ANKS1B: variants seen among roughly 807,000 people sequenced by gnomAD.
ANKS1B encodes the protein ankyrin repeat and sterile alpha motif domain containing 1B.
In ANKS1B, 36 loss-of-function variants were observed where a neutral mutation model predicts 148.3. The ratio of observed to expected loss-of-function variants is 0.24; its 90% CI spans 0.19 to 0.32. ANKS1B has a LOEUF of 0.32. Among genes scored for constraint, ANKS1B ranks in the 10% least tolerant of loss-of-function variants. The pLI, the probability that ANKS1B is intolerant of heterozygous loss-of-function variation, is 1.00. For missense variants in ANKS1B, 1,157 were observed against 1,542.6 expected (o/e 0.75, Z 4.19); for synonymous variants, 542 against 560.8 (o/e 0.97, Z 0.47).
intron 8 of ANKS1B, among the ~76,000 whole-genome samples, chr12:99,758,398 C>T (rs1181884006): frequency 5.3e-5 from 8 of 151,804 alleles, no homozygotes; most frequent in Non-Finnish European, 1.2e-4. Flanking sequence ...AATGATTCAA[C>T]AAATAAAATA....
Position 99,655,051 on chromosome 12 carries a change from A to T in ANKS1B, c.1272+16T>A, listed in dbSNP as rs779438982. The stretch of plus-strand genomic sequence containing the variant: ...CATTTTTGTTTTATTGTACCTTAAT[A>T]AAAGCAAACTTTTACCTGGGCAAGC... On this transcript the variant is annotated intron_variant, in intron 9 of 26. Transcript: ENST00000683438. The T allele has an allele frequency of 8.4e-6, 13 of 1,545,292 alleles. No homozygotes were observed. Among genetic ancestry groups the T allele is most frequent in the Non-Finnish European group, 1.1e-5 (13 of 1,142,694 alleles).
chr12:98,749,308 C>T (rs982559983), intron 26 of ANKS1B, among the ~76,000 whole-genome samples: 14 of 151,886 alleles, frequency 9.2e-5, no homozygotes, highest in African/African-American at 2.2e-4. Flanking sequence ...GGGGTTTCAC[C>T]GTGTTAGCCA....
chr12:99,634,835 A>G (rs1168879132), intron 9 of ANKS1B, among the ~76,000 whole-genome samples: 1 of 152,210 alleles, frequency 6.6e-6, no homozygotes, highest in African/African-American at 2.4e-5. Flanking sequence ...TAAAAAGGCA[A>G]TCTATGAAAT....
At chr12:99,659,413 T>C (rs1193493387) in intron 8 of ANKS1B, among the ~76,000 whole-genome samples, 1 of 150,382 alleles carries the variant, frequency 6.6e-6, no homozygotes, top group Non-Finnish European at 1.5e-5. Flanking sequence ...TAAAAAAAAA[T>C]AGACCTAAAT....
intron 14 of ANKS1B, chr12:99,155,147 G>C (rs925075344): frequency 1.4e-6 from 2 of 1,474,032 alleles, no homozygotes; most frequent in African/African-American, 2.8e-5. Flanking sequence ...TGCGAAGCTT[G>C]AACTATAGCT....
At chr12:99,830,363 A>C (rs1474577526) in intron 1 of ANKS1B, among the ~76,000 whole-genome samples, 2 of 152,172 alleles carry the variant, frequency 1.3e-5, no homozygotes, top group East Asian at 3.8e-4. Context: ...TTAACTCCCT[A>C]AATTAATACA....
At chr12:98,740,377 G>A (rs903884263), downstream of ANKS1B, among the ~76,000 whole-genome samples, 5 of 152,150 alleles carry the variant, frequency 3.3e-5, no homozygotes, top group East Asian at 1.9e-4. Flanking sequence ...ATGATGCTGC[G>A]ATGTCTGCCA....
At chr12:99,857,274 C>T (rs945793286) in intron 1 of ANKS1B, among the ~76,000 whole-genome samples, 1 of 151,904 alleles carries the variant, frequency 6.6e-6, no homozygotes, top group Non-Finnish European at 1.5e-5. Context: ...GAACTCAAGC[C>T]CTTTTACAAT....
intron 12 of ANKS1B, among the ~76,000 whole-genome samples, chr12:99,291,244 C>T (rs1566821824): frequency 6.6e-6 from 1 of 151,680 alleles, no homozygotes; most frequent in Non-Finnish European, 1.5e-5. Context: ...AGAGGACACA[C>T]AAAAAAATGG....
chr12:98,949,684 A>G (rs1298685585), intron 17 of ANKS1B: 1 of 152,252 alleles, frequency 6.6e-6, no homozygotes, highest in Non-Finnish European at 1.5e-5. Flanking sequence ...AGAAGCATCA[A>G]TTAAATGGCT....
chr12:98,888,604 T>C (rs890010749), intron 17 of ANKS1B, among the ~76,000 whole-genome samples: 10 of 152,264 alleles, frequency 6.6e-5, no homozygotes, highest in Admixed American at 1.3e-4. Flanking sequence ...GACTGCTCTC[T>C]GTCCCCCACA....
intron 17 of ANKS1B, among the ~76,000 whole-genome samples, chr12:99,020,755 G>C (rs1466743109): frequency 6.6e-6 from 1 of 152,022 alleles, no homozygotes; most frequent in African/African-American, 2.4e-5. Flanking sequence ...TGATATAAAG[G>C]CATCTCATGT....
chr12:99,177,575 T>A (rs1256268528), intron 14 of ANKS1B, among the ~76,000 whole-genome samples: 1 of 152,190 alleles, frequency 6.6e-6, no homozygotes, highest in African/African-American at 2.4e-5. Context: ...GGACACAAGC[T>A]TTTGCTTAAA....
chr12:99,110,496 T>C (rs1201058177), intron 15 of ANKS1B, among the ~76,000 whole-genome samples: 4 of 152,236 alleles, frequency 2.6e-5, no homozygotes, highest in African/African-American at 9.6e-5. Context: ...GAATTATATT[T>C]TGAAGAGTTC....
chr12:98,981,721 A>G (rs1162539493), intron 17 of ANKS1B, among the ~76,000 whole-genome samples: 1 of 152,258 alleles, frequency 6.6e-6, no homozygotes, highest in Non-Finnish European at 1.5e-5. Flanking sequence ...TCTGTTTTAG[A>G]TACCCTTAGA....
At chr12:98,992,469 T>C (rs2099927201) in intron 17 of ANKS1B, among the ~76,000 whole-genome samples, 1 of 152,168 alleles carries the variant, frequency 6.6e-6, no homozygotes, top group African/African-American at 2.4e-5. Context: ...TAGTGAGTTC[T>C]CCTGAGATCT....
chr12:99,032,527 T>G (rs958556019), intron 17 of ANKS1B, among the ~76,000 whole-genome samples: 2 of 152,170 alleles, frequency 1.3e-5, no homozygotes, highest in Admixed American at 6.5e-5. Context: ...GTCTGTCTTC[T>G]TTTCTTATAA....
intron 10 of ANKS1B, among the ~76,000 whole-genome samples, chr12:99,475,896 G>C (rs1375364232): frequency 6.6e-6 from 1 of 151,816 alleles, no homozygotes; most frequent in Non-Finnish European, 1.5e-5. Context: ...TAACACAAAT[G>C]AAAGAAAGTA....
intron 10 of ANKS1B, among the ~76,000 whole-genome samples, chr12:99,485,133 G>A (rs1209768332): frequency 1.3e-5 from 2 of 151,722 alleles, no homozygotes; most frequent in East Asian, 3.9e-4. Context: ...GCTTTCCAAA[G>A]GTTCGATTTT....
Sources: gnomAD v4.1 joint callset for allele counts (sites outside exome capture counted in the v4.1 genomes callset) on GRCh38, gnomAD v4.1.1 for gene constraint, MANE v1.5 for transcripts, NCBI Gene and HGNC (gene_info 2026-07-23, HGNC 2026-07-21) for gene names.